Variants in TLN2 observed in about 807,000 individuals in gnomAD.
TLN2 encodes talin 2.
In TLN2, 118 loss-of-function variants were observed where a neutral mutation model predicts 294.7. That is an observed-to-expected ratio of 0.40 (90% CI 0.34 to 0.47). TLN2 has a LOEUF of 0.47. Among genes scored for constraint, TLN2 ranks in the 20% least tolerant of loss-of-function variants. The probability of loss-of-function intolerance (pLI) is 0.84; values close to 1 mark genes in which losing one functional copy is unlikely to be tolerated. For synonymous variants in TLN2, 1,431 were observed against 1,304.5 expected, an observed-to-expected ratio of 1.10 and a Z score of -2.09; for missense variants, 3,083 against 3,282.2, an observed-to-expected ratio of 0.94 and a Z score of 1.48.
At chr15:62,695,832 G>A (rs2058287561) in intron 14 of TLN2, among the ~76,000 whole-genome samples, 1 of 152,232 alleles carries the variant, frequency 6.6e-6, no homozygotes, top group African/African-American at 2.4e-5. Flanking sequence ...CTGACAGGGT[G>A]ATCTGCGTCA....
chr15:62,559,835 C>T (rs2042818014), intron 1 of TLN2, among the ~76,000 whole-genome samples: 2 of 152,156 alleles, frequency 1.3e-5, no homozygotes, highest in African/African-American at 4.8e-5. Context: ...TGTGCTTTAT[C>T]TTATTATCCA....
At chr15:62,658,716 T>C (rs2053499067) in intron 9 of TLN2, among the ~76,000 whole-genome samples, 1 of 152,194 alleles carries the variant, frequency 6.6e-6, no homozygotes, top group African/African-American at 2.4e-5. Context: ...ACCCCACCAG[T>C]CTGGCTTCCT....
intron 25 of TLN2, 132 bp from the exon 26 acceptor site, chr15:62,722,221 T>G: frequency 2.3e-5 from 23 of 1,019,232 alleles, no homozygotes; most frequent in Admixed American, 2.9e-5. Context: ...GAATAGGGGA[T>G]GAGTTGTTTA....
chr15:62,572,485 ATCCTCTCGCCTTG>A (rs1596186589), intron 1 of TLN2, among the ~76,000 whole-genome samples: 1 of 152,064 alleles, frequency 6.6e-6, no homozygotes, highest in East Asian at 1.9e-4. Context: ...GGCTCAAGCT[ATCCTCTCGCCTTG>A]TCCTCCCAAA....
chr15:62,598,333 G>C (rs1550053), intron 2 of TLN2, among the ~76,000 whole-genome samples: 57,804 of 152,010 alleles, frequency 0.38, 11,324 homozygotes, highest in East Asian at 0.59. Context: ...CCACGTCTTG[G>C]ACACGTTCTT....
chr15:62,537,041 C>T (rs146466523), intron 1 of TLN2, among the ~76,000 whole-genome samples: 4,026 of 148,654 alleles, frequency 0.027, 189 homozygotes, highest in African/African-American at 0.094. Flanking sequence ...TTTTTTTGGA[C>T]GGAGTCTTGC....
chr15:62,539,123 C>G (rs1371070229), intron 1 of TLN2, among the ~76,000 whole-genome samples: 3 of 152,202 alleles, frequency 2.0e-5, no homozygotes, highest in Non-Finnish European at 2.9e-5. Context: ...TCTCTCCCTG[C>G]TCTTCCCTTC....
intron 1 of TLN2, among the ~76,000 whole-genome samples, chr15:62,395,149 C>G: frequency 6.7e-6 from 1 of 149,846 alleles, no homozygotes; most frequent in Non-Finnish European, 1.5e-5. Flanking sequence ...ACATCCCCTG[C>G]CCTCACAATG....
chr15:62,782,224 C>T (rs2064236667), intron 44 of TLN2, among the ~76,000 whole-genome samples: 1 of 152,220 alleles, frequency 6.6e-6, no homozygotes, highest in Admixed American at 6.5e-5. Flanking sequence ...TCATCCCTGG[C>T]TGCTGCCATT....
chr15:62,757,102 C>T (rs1011828920), intron 37 of TLN2, among the ~76,000 whole-genome samples: 2 of 152,216 alleles, frequency 1.3e-5, no homozygotes, highest in Non-Finnish European at 2.9e-5. Flanking sequence ...GTTACTCATT[C>T]ACTCCATACA....
intron 1 of TLN2, among the ~76,000 whole-genome samples, chr15:62,486,452 G>GTTTTTTTTTTTTTTTT (rs34975634): frequency 1.1e-5 from 1 of 93,292 alleles, no homozygotes; most frequent in African/African-American, 4.2e-5. Context: ...CAGTTCCTTT[G>GTTTTTTTTTTTTTTTT]TTTTTTTTTT....
At chr15:62,499,158 A>G (rs1283040670) in intron 1 of TLN2, among the ~76,000 whole-genome samples, 1 of 151,942 alleles carries the variant, frequency 6.6e-6, no homozygotes, top group Admixed American at 6.6e-5. Context: ...ATTTTTATTT[A>G]TTACAAAACA....
rs148145735 is a variant in TLN2, at chr15:62,781,088, A to G, written c.5515-52A>G. 7,057 of 1,379,656 alleles carry G rather than the reference A, an allele frequency of 5.1e-3. 34 individuals are homozygous for G. Among genetic ancestry groups the G allele is most frequent in the Middle Eastern group, 9.3e-3 (52 of 5,568 alleles). The allele number at this position is 1,379,656 out of a possible 1,614,324, so 85.5% of individuals were successfully genotyped here. A position where few individuals can be genotyped will look rare whatever the true frequency, so the allele number is the denominator to read the frequency against. On this transcript the variant is annotated intron_variant, in intron 43 of 58. Coordinates refer to ENST00000636159, the MANE Select transcript of TLN2 (RefSeq NM_015059.3). ...TTCCTAATTCTCGTAAATACAGTCTACACTTCAGCAGGCTTCTTATGACCT... is the reference window on the plus strand; with the variant it reads ...TTCCTAATTCTCGTAAATACAGTCTGCACTTCAGCAGGCTTCTTATGACCT...
At chr15:62,571,289 C>T (rs865805209) in intron 1 of TLN2, among the ~76,000 whole-genome samples, 21 of 152,276 alleles carry the variant, frequency 1.4e-4, no homozygotes, top group South Asian at 1.2e-3. Flanking sequence ...GTCAGTCCAA[C>T]TTACTTCATG....
chr15:62,485,088 T>C (rs568591873), intron 1 of TLN2, among the ~76,000 whole-genome samples: 24 of 152,308 alleles, frequency 1.6e-4, no homozygotes, highest in South Asian at 4.1e-4. Context: ...GGTATCTCTC[T>C]CTGACCCTCC....
intron 32 of TLN2, among the ~76,000 whole-genome samples, chr15:62,745,223 A>T (rs765275213): frequency 2.6e-5 from 4 of 152,250 alleles, no homozygotes; most frequent in Non-Finnish European, 4.4e-5. Flanking sequence ...GAGTAGATAG[A>T]TAAGCCTAGA....
At position 62,842,842 on chromosome 15, in the gene TLN2, T is replaced by C. The variant is rs1486755693; in HGVS notation, c.*2232T>C. On this transcript the variant is annotated 3_prime_UTR_variant, in exon 59 of 59. Transcript: ENST00000636159. Reference sequence around the variant, plus strand: ...GTGCTGGGAGCTTTGGGGAGTTTGGTTCTCAGTTATCACCTGGTATGGTCC... The same window carrying C: ...GTGCTGGGAGCTTTGGGGAGTTTGGCTCTCAGTTATCACCTGGTATGGTCC... The C allele has an allele frequency of 6.6e-6, 1 of 152,226 alleles. No individual in the cohort carries two copies. Among genetic ancestry groups the C allele is most frequent in the Non-Finnish European group, 1.5e-5 (1 of 68,068 alleles). The allele number at this position is 152,226 out of a possible 1,614,324, so 9.4% of individuals were successfully genotyped here.
chr15:62,497,249 A>G (rs555735126), intron 1 of TLN2, among the ~76,000 whole-genome samples: 5 of 152,348 alleles, frequency 3.3e-5, no homozygotes, highest in African/African-American at 9.6e-5. Flanking sequence ...AGTATATCCT[A>G]CATATGGACT....
chr15:62,761,960 G>C (rs1231439825), intron 38 of TLN2, 139 bp downstream of exon 38: 3 of 1,180,040 alleles, frequency 2.5e-6, no homozygotes, highest in Non-Finnish European at 3.7e-6. Context: ...GATGGCATGT[G>C]CACAGTTAGT....
Sources: allele counts gnomAD v4.1 joint callset (sites outside exome capture counted in the v4.1 genomes callset), GRCh38; gene constraint gnomAD v4.1.1; transcripts MANE v1.5; gene names NCBI Gene and HGNC (gene_info 2026-07-23, HGNC 2026-07-21).